Variants in GJB7 observed in about 807,000 individuals in gnomAD.
GJB7 encodes the protein gap junction protein beta 7, also known as gap junction beta-7 protein.
For missense variants in GJB7, 253 were observed against 256.8 expected, an observed-to-expected ratio of 0.99 and a Z score of 0.10; for synonymous variants, 87 against 95.2, an observed-to-expected ratio of 0.91 and a Z score of 0.50.
At chr6:87,302,380 T>C (rs1776345312) in intron 2 of GJB7, among the ~76,000 whole-genome samples, 1 of 152,046 alleles carries the variant, frequency 6.6e-6, no homozygotes, top group Non-Finnish European at 1.5e-5. Flanking sequence ...ACATAACCAA[T>C]GCACAAGCTT....
At chr6:87,300,999 GA>G (rs1390628898) in intron 2 of GJB7, among the ~76,000 whole-genome samples, 1 of 152,160 alleles carries the variant, frequency 6.6e-6, no homozygotes, top group East Asian at 1.9e-4. Context: ...TGACAAGATG[GA>G]AAATTTCATC....
At chr6:87,304,737 G>C (rs1013174272) in intron 2 of GJB7, among the ~76,000 whole-genome samples, 4 of 152,258 alleles carry the variant, frequency 2.6e-5, no homozygotes, top group South Asian at 2.1e-4. Flanking sequence ...GAGAATTTTA[G>C]ACCAATATCC....
At chr6:87,297,574 A>G (rs940225270) in intron 2 of GJB7, among the ~76,000 whole-genome samples, 1 of 152,268 alleles carries the variant, frequency 6.6e-6, no homozygotes, top group Non-Finnish European at 1.5e-5. Context: ...CATTTTAAAC[A>G]ACTACACTAG....
intron 2 of GJB7, among the ~76,000 whole-genome samples, chr6:87,287,904 T>TA (rs1562208159): frequency 2.0e-5 from 3 of 152,178 alleles, no homozygotes; most frequent in African/African-American, 7.2e-5. Context: ...TCCTATTTTT[T>TA]TAAAAAAATT....
At chr6:87,326,477 C>T (rs774558020) in intron 1 of GJB7, among the ~76,000 whole-genome samples, 4 of 151,880 alleles carry the variant, frequency 2.6e-5, no homozygotes, top group African/African-American at 4.8e-5. Context: ...TCTTTGTTCT[C>T]GTTGGTTTCA....
intron 1 of GJB7, among the ~76,000 whole-genome samples, chr6:87,326,896 G>C (rs1304348267): frequency 8.7e-6 from 1 of 114,922 alleles, no homozygotes; most frequent in South Asian, 2.8e-4. Context: ...TAATTTGTGG[G>C]AGTTTAAGTC....
intron 2 of GJB7, among the ~76,000 whole-genome samples, chr6:87,301,090 C>T (rs1000084155): frequency 6.6e-6 from 1 of 152,182 alleles, no homozygotes; most frequent in Non-Finnish European, 1.5e-5. Context: ...CAGTCTACAG[C>T]TCCCAGCATG....
intron 2 of GJB7, among the ~76,000 whole-genome samples, chr6:87,290,134 A>G (rs777013369): frequency 6.6e-6 from 1 of 152,190 alleles, no homozygotes; most frequent in East Asian, 1.9e-4. Context: ...AGCAGGATGT[A>G]TGGTACAACC....
At chr6:87,317,571 G>A (rs146847092) in intron 2 of GJB7, among the ~76,000 whole-genome samples, 1,822 of 151,754 alleles carry the variant, frequency 0.012, 18 homozygotes, top group Non-Finnish European at 0.018. Context: ...CTGGGATTAC[G>A]GGCACGCGCC....
At chr6:87,327,249 A>T (rs1413692779) in intron 1 of GJB7, among the ~76,000 whole-genome samples, 2 of 145,988 alleles carry the variant, frequency 1.4e-5, no homozygotes, top group African/African-American at 5.2e-5. Flanking sequence ...TTTTAATTGG[A>T]GCATTTAGTC....
At chr6:87,315,795 C>CAAAAAAAAAAAAAAA (rs1161194601) in intron 2 of GJB7, among the ~76,000 whole-genome samples, 1 of 72,352 alleles carries the variant, frequency 1.4e-5, no homozygotes, top group Non-Finnish European at 3.1e-5. Flanking sequence ...GACTCTATCT[C>CAAAAAAAAAAAAAAA]AAAAAAAAAA....
At chr6:87,298,564 C>T (rs566931734) in intron 2 of GJB7, among the ~76,000 whole-genome samples, 9 of 152,166 alleles carry the variant, frequency 5.9e-5, no homozygotes, top group Admixed American at 1.3e-4. Context: ...ATGATATGTT[C>T]CTACTCTGTG....
chr6:87,299,896 T>TA (rs1776295698), intron 2 of GJB7: 1 of 257,110 alleles, frequency 3.9e-6, no homozygotes, highest in Admixed American at 4.8e-5. Context: ...AGTTAGATGT[T>TA]ACAACTAGTG....
At chr6:87,302,289 A>G (rs974056260) in intron 2 of GJB7, among the ~76,000 whole-genome samples, 14 of 152,068 alleles carry the variant, frequency 9.2e-5, no homozygotes, top group African/African-American at 2.9e-4. Flanking sequence ...AAAAAAAATT[A>G]GATGAATGGC....
chr6:87,326,003 A>G (rs1328401242), intron 1 of GJB7, among the ~76,000 whole-genome samples: 3 of 152,138 alleles, frequency 2.0e-5, no homozygotes, highest in Admixed American at 1.3e-4. Flanking sequence ...GGGAGAGTGT[A>G]TGTGTCGAGG....
At chr6:87,314,373 A>T (rs1170986905) in intron 2 of GJB7, among the ~76,000 whole-genome samples, 3 of 152,104 alleles carry the variant, frequency 2.0e-5, no homozygotes, top group Admixed American at 6.5e-5. Flanking sequence ...TCTGGGAAGT[A>T]GGTTTGGGCA....
intron 2 of GJB7, among the ~76,000 whole-genome samples, chr6:87,315,552 G>C (rs937295400): frequency 1.3e-5 from 2 of 152,158 alleles, no homozygotes; most frequent in Non-Finnish European, 2.9e-5. Context: ...AGAACGTTGG[G>C]TGGCCAAGGC....
At position 87,323,572 on chromosome 6, in the gene GJB7, A is replaced by G. The variant is rs201760531; in HGVS notation, c.-205-529T>C. On this transcript the variant is annotated intron_variant, in intron 1 of 2. Coordinates refer to ENST00000525899, the MANE Select transcript of GJB7 (RefSeq NM_198568.3). ...AGTTTACTGAGAATGATGATTTCCA[A>G]TTTCATCCATGTCCCTACAAAGGAC... 1.5e-4 allele frequency among the ~76,000 whole-genome samples: 22 copies of G among 151,428 alleles called. No homozygotes were observed. In the East Asian group the frequency reaches 1.9e-3, roughly 13 times the overall value.
rs1482230887 is a variant in GJB7, at chr6:87,322,900, T to C, written c.-62A>G. On this transcript the variant is annotated 5_prime_UTR_variant, in exon 2 of 3. It removes an upstream start codon present in the reference 5' UTR. Coordinates refer to ENST00000525899, the MANE Select transcript of GJB7 (RefSeq NM_198568.3). Reference sequence around the variant, plus strand: ...TCCAGTTTGTTCGGTGCTTCATCCATGGACACCCCCACCCCGAGAACTCTC... The same window carrying C: ...TCCAGTTTGTTCGGTGCTTCATCCACGGACACCCCCACCCCGAGAACTCTC... The C allele has an allele frequency of 6.6e-6, 1 of 152,432 alleles. No homozygotes were observed. The highest frequency in any genetic ancestry group is 1.9e-4 in the East Asian group (1 of 5,190). 9.4% of individuals were successfully genotyped at this position (152,432 alleles called of 1,614,324 possible).
Sources: allele counts gnomAD v4.1 joint callset (sites outside exome capture counted in the v4.1 genomes callset), GRCh38; gene constraint gnomAD v4.1.1; transcripts MANE v1.5; gene names NCBI Gene and HGNC (gene_info 2026-07-23, HGNC 2026-07-21).